The following PSD3 variants were observed in gnomAD, a reference collection of about 807,000 sequenced individuals.
PSD3 encodes the protein PH and SEC7 domain-containing protein 3.
A neutral mutation model predicts 105.5 loss-of-function variants in PSD3; 49 were observed. That is an observed-to-expected ratio of 0.46 (90% CI 0.37 to 0.59). The LOEUF (loss-of-function observed/expected upper bound fraction) is 0.59, where lower values mean the gene tolerates loss of function less well. PSD3 is among the 20% of genes least tolerant of loss of function. The pLI is 0.00. For synonymous variants in PSD3, 557 were observed against 457.8 expected (o/e 1.22, Z -2.77); for missense variants, 1,561 against 1,263.8 (o/e 1.24, Z -3.57).
At position 18,765,769 on chromosome 8, in the gene PSD3, A is replaced by G. The variant is rs552628519; in HGVS notation, c.2083-231T>C. Among the ~76,000 whole-genome samples the G allele has an allele frequency of 3.3e-5, 5 of 152,210 alleles. No homozygotes were observed. The East Asian group carries it at 9.7e-4, about 29-fold the overall frequency. On this transcript the variant is annotated intron_variant, in intron 8 of 15. Coordinates refer to ENST00000327040, the MANE Select transcript of PSD3 (RefSeq NM_015310.4). The stretch of plus-strand genomic sequence containing the variant: ...GCTATGTTTAGCAGAAAGCCCGTCC[A>G]CTACTAACATGTTTAGTAAAAACCC...
chr8:18,897,580 T>C (rs956732955), intron 2 of PSD3, among the ~76,000 whole-genome samples: 7 of 152,226 alleles, frequency 4.6e-5, no homozygotes, highest in African/African-American at 9.6e-5. Flanking sequence ...TGAATGAGTA[T>C]ACTGCTTTTT....
chr8:18,689,794 C>T (rs997014098), intron 9 of PSD3, among the ~76,000 whole-genome samples: 3 of 152,158 alleles, frequency 2.0e-5, no homozygotes, highest in Non-Finnish European at 4.4e-5. Flanking sequence ...TATAAAGATG[C>T]TAATGATTAA....
chr8:18,765,609 A>T, intron 8 of PSD3, 71 bp from the exon 9 acceptor site: 1 of 1,241,886 alleles, frequency 8.1e-7, no homozygotes, highest in Non-Finnish European at 1.2e-6. Flanking sequence ...ATATATGATG[A>T]GGCAGACCAA....
chr8:18,579,714 G>C (rs1293980465), intron 12 of PSD3, among the ~76,000 whole-genome samples: 1 of 152,086 alleles, frequency 6.6e-6, no homozygotes, highest in Non-Finnish European at 1.5e-5. Context: ...TTGGCATCAA[G>C]TCTGAAAAAT....
chr8:18,648,745 G>C (rs1195592976), intron 10 of PSD3, among the ~76,000 whole-genome samples: 1 of 152,210 alleles, frequency 6.6e-6, no homozygotes, highest in Non-Finnish European at 1.5e-5. Flanking sequence ...GCTTAGGAGA[G>C]AAGAATGGTT....
Position 19,007,506 on chromosome 8 carries a change from T to C in PSD3, c.21+6057A>G, listed in dbSNP as rs182661875. Among the ~76,000 whole-genome samples, 85 of 152,232 alleles carry C rather than the reference T, an allele frequency of 5.6e-4. 2 individuals carry two copies. The highest frequency in any genetic ancestry group is 2.3e-3 in the South Asian group (11 of 4,794). On this transcript the variant is annotated intron_variant, in intron 1 of 15. Coordinates refer to ENST00000327040, the MANE Select transcript of PSD3 (RefSeq NM_015310.4). ...GGGCAAATATGGGACATTTCCATCA[T>C]AGTAAAAGCTCTATTGAACAATGCT...
Position 18,535,652 on chromosome 8 carries a change from T to TC in PSD3, c.*90_*91insG. On this transcript the variant is annotated 3_prime_UTR_variant, in exon 16 of 16. Coordinates refer to ENST00000327040, the MANE Select transcript of PSD3 (RefSeq NM_015310.4). The stretch of plus-strand genomic sequence containing the variant: ...TAATGCACCGTTTTGTCACAGACTT[T>TC]TTTTTTTTAAATATATTCACGGATT... The TC allele has an allele frequency of 8.7e-7, 1 of 1,152,240 alleles. No homozygotes were observed. Among genetic ancestry groups the TC allele is most frequent in the Non-Finnish European group, 1.3e-6 (1 of 794,776 alleles). 71.4% of individuals were successfully genotyped at this position (1,152,240 alleles called of 1,614,324 possible). A position where few individuals can be genotyped will look rare whatever the true frequency, so the allele number is the denominator to read the frequency against.
At chr8:18,582,477 G>A (rs1802882020) in intron 12 of PSD3, among the ~76,000 whole-genome samples, 1 of 152,050 alleles carries the variant, frequency 6.6e-6, no homozygotes, top group African/African-American at 2.4e-5. Flanking sequence ...GGGCACATAT[G>A]AGTATATGGT....
chr8:18,679,107 G>C (rs1298065001), intron 9 of PSD3, among the ~76,000 whole-genome samples: 2 of 152,166 alleles, frequency 1.3e-5, no homozygotes, highest in East Asian at 3.9e-4. Context: ...TGTCCTGTTT[G>C]ACCAGAATCT....
intron 11 of PSD3, among the ~76,000 whole-genome samples, chr8:18,614,235 T>C (rs1010213562): frequency 1.3e-4 from 20 of 152,112 alleles, no homozygotes; most frequent in Non-Finnish European, 1.9e-4. Flanking sequence ...GTGTAACTTA[T>C]CACAAAGTTT....
At chr8:18,627,282 G>C (rs1185291136) in intron 11 of PSD3, among the ~76,000 whole-genome samples, 2 of 151,988 alleles carry the variant, frequency 1.3e-5, no homozygotes, top group Non-Finnish European at 1.5e-5. Context: ...GATAAGAAAG[G>C]AGTTTAGTGA....
intron 9 of PSD3, among the ~76,000 whole-genome samples, chr8:18,694,990 T>C (rs1011500818): frequency 6.6e-6 from 1 of 152,048 alleles, no homozygotes; most frequent in Non-Finnish European, 1.5e-5. Context: ...AAACAATAAA[T>C]GGATAGGAAA....
intron 9 of PSD3, among the ~76,000 whole-genome samples, chr8:18,697,270 C>T (rs1340822039): frequency 6.6e-6 from 1 of 152,084 alleles, no homozygotes; most frequent in African/African-American, 2.4e-5. Flanking sequence ...TACTGGGTAT[C>T]ACAGGCAAGG....
intron 11 of PSD3, among the ~76,000 whole-genome samples, chr8:18,605,904 G>A (rs909746244): frequency 6.6e-6 from 1 of 152,116 alleles, no homozygotes; most frequent in Non-Finnish European, 1.5e-5. Context: ...TAAGTTTCCT[G>A]AGGCCTTCCC....
intron 9 of PSD3, among the ~76,000 whole-genome samples, chr8:18,741,831 A>G (rs1307564273): frequency 6.8e-6 from 1 of 147,852 alleles, no homozygotes; most frequent in East Asian, 2.0e-4. Context: ...GCTATGCCAT[A>G]TGGTTACCAA....
intron 12 of PSD3, among the ~76,000 whole-genome samples, chr8:18,596,814 G>T (rs193126073): frequency 6.6e-6 from 1 of 152,114 alleles, no homozygotes; most frequent in Admixed American, 6.6e-5. Context: ...AATAATAAGG[G>T]GATTGAATCT....
intron 1 of PSD3, among the ~76,000 whole-genome samples, chr8:18,977,221 C>T (rs922514875): frequency 2.8e-5 from 4 of 143,182 alleles, no homozygotes; most frequent in African/African-American, 1.0e-4. Flanking sequence ...GACTGCACCA[C>T]TGCACTCTAG....
intron 1 of PSD3, among the ~76,000 whole-genome samples, chr8:18,963,266 G>A (rs1824033688): frequency 6.6e-6 from 1 of 152,124 alleles, no homozygotes; most frequent in South Asian, 2.1e-4. Context: ...AATTCAAGAT[G>A]AGATTTGGGT....
intron 2 of PSD3, among the ~76,000 whole-genome samples, chr8:18,928,694 T>C (rs1172781858): frequency 6.6e-6 from 1 of 152,048 alleles, no homozygotes; most frequent in Non-Finnish European, 1.5e-5. Flanking sequence ...CTTTTTTTCT[T>C]TTTATCTTTC....
Sources: gnomAD v4.1 joint callset for allele counts (sites outside exome capture counted in the v4.1 genomes callset) on GRCh38, gnomAD v4.1.1 for gene constraint, MANE v1.5 for transcripts, NCBI Gene and HGNC (gene_info 2026-07-23, HGNC 2026-07-21) for gene names.